The following DYRK1A variants were observed in gnomAD, a reference collection of about 807,000 sequenced individuals.
The protein encoded by DYRK1A is dual specificity tyrosine-phosphorylation-regulated kinase 1A.
A neutral mutation model predicts 79.7 loss-of-function variants in DYRK1A; 9 were observed. The ratio of observed to expected loss-of-function variants is 0.11; its 90% CI spans 0.07 to 0.20. DYRK1A has a LOEUF of 0.20. Among genes scored for constraint, DYRK1A ranks in the 10% least tolerant of loss-of-function variants. The probability of loss-of-function intolerance (pLI) is 1.00; values close to 1 mark genes in which losing one functional copy is unlikely to be tolerated. For missense variants in DYRK1A, 622 were observed against 956.0 expected (o/e 0.65, Z 4.61); for synonymous variants, 349 against 329.7 (o/e 1.06, Z -0.63).
intron 6 of DYRK1A, 24 bp from the exon 7 acceptor site, chr21:37,490,151 A>T: frequency 1.9e-6 from 3 of 1,600,492 alleles, no homozygotes; most frequent in Non-Finnish European, 2.6e-6. Flanking sequence ...ATATAATTTA[A>T]AATGAAACTG....
intron 3 of DYRK1A, among the ~76,000 whole-genome samples, chr21:37,477,302 A>G (rs1300987064): frequency 2.6e-5 from 4 of 152,186 alleles, no homozygotes; most frequent in South Asian, 2.1e-4. Flanking sequence ...GCCAGGGGGA[A>G]TGGCTGTGAC....
chr21:37,500,137 C>T (rs2053397668), intron 9 of DYRK1A, among the ~76,000 whole-genome samples: 1 of 152,134 alleles, frequency 6.6e-6, no homozygotes, highest in Non-Finnish European at 1.5e-5. Flanking sequence ...CTTAATGCTC[C>T]ATGAATGAAG....
At chr21:37,464,802 C>A (rs1053122386) in intron 2 of DYRK1A, among the ~76,000 whole-genome samples, 4 of 152,144 alleles carry the variant, frequency 2.6e-5, no homozygotes, top group Non-Finnish European at 5.9e-5. Flanking sequence ...ATCCCTGTTA[C>A]AGGATGAACT....
At chr21:37,498,023 A>G (rs2053326263) in intron 9 of DYRK1A, among the ~76,000 whole-genome samples, 1 of 152,228 alleles carries the variant, frequency 6.6e-6, no homozygotes, top group Non-Finnish European at 1.5e-5. Context: ...TGGTACACTA[A>G]GAATTTTGAC....
At chr21:37,485,734 T>G (rs1299620616) in intron 5 of DYRK1A, among the ~76,000 whole-genome samples, 1 of 133,692 alleles carries the variant, frequency 7.5e-6, no homozygotes, top group Non-Finnish European at 1.7e-5. Flanking sequence ...TTGTAATGTT[T>G]ATGTAAATCT....
intron 1 of DYRK1A, among the ~76,000 whole-genome samples, chr21:37,388,444 A>G (rs1241386162): frequency 6.6e-6 from 1 of 152,130 alleles, no homozygotes; most frequent in South Asian, 2.1e-4. Context: ...GAAAATTTTA[A>G]TGTGTATCTG....
rs1246307143 is a variant in DYRK1A, at chr21:37,513,008, T to A, written c.*477T>A. 1 of 159,926 alleles carries A rather than the reference T, an allele frequency of 6.3e-6. No homozygotes were observed. Among genetic ancestry groups the A allele is most frequent in the African/African-American group, 2.4e-5 (1 of 41,244 alleles). The allele number at this position is 159,926 out of a possible 1,614,324, so 9.9% of individuals were successfully genotyped here. On this transcript the variant is annotated 3_prime_UTR_variant, in exon 12 of 12. Transcript: ENST00000647188. ...GTTTTGGGTGGGAGGGTGGGAAATTTGGGTTTTTAAGTCCTCTAAACACAC... is the reference window on the plus strand; with the variant it reads ...GTTTTGGGTGGGAGGGTGGGAAATTAGGGTTTTTAAGTCCTCTAAACACAC...
Position 37,505,123 on chromosome 21 carries a change from T to C in DYRK1A, c.1213-160T>C, listed in dbSNP as rs550176320. On this transcript the variant is annotated intron_variant, in intron 9 of 11. Transcript: ENST00000647188. ...ATGTTGAACTGTAACTACCATGCAT[T>C]TGGGATAGTAATGTGTGAAAAGGCA... The C allele has an allele frequency of 9.2e-5, 57 of 619,474 alleles. No homozygotes were observed. In the South Asian group the frequency reaches 1.1e-3, roughly 12 times the overall value. The allele number at this position is 619,474 out of a possible 1,614,324, so 38.4% of individuals were successfully genotyped here.
At chr21:37,500,931 T>C (rs995759171) in intron 9 of DYRK1A, among the ~76,000 whole-genome samples, 1 of 149,494 alleles carries the variant, frequency 6.7e-6, no homozygotes, top group African/African-American at 2.4e-5. Context: ...GTTGATTTCT[T>C]TTTTTTTTCT....
At chr21:37,387,298 T>C (rs192000828) in intron 1 of DYRK1A, among the ~76,000 whole-genome samples, 1 of 152,352 alleles carries the variant, frequency 6.6e-6, no homozygotes, top group East Asian at 1.9e-4. Flanking sequence ...AGTTATATAA[T>C]CTTTTTTGGT....
At chr21:37,392,632 C>T (rs1005527694) in intron 1 of DYRK1A, among the ~76,000 whole-genome samples, 14 of 152,290 alleles carry the variant, frequency 9.2e-5, no homozygotes, top group Admixed American at 7.2e-4. Flanking sequence ...ACCTCTTTTA[C>T]AAGGACATGA....
At chr21:37,381,365 C>T (rs1454280269) in intron 1 of DYRK1A, among the ~76,000 whole-genome samples, 1 of 152,178 alleles carries the variant, frequency 6.6e-6, no homozygotes, top group Non-Finnish European at 1.5e-5. Context: ...AACAAATGCA[C>T]ATGAAATGCC....
At chr21:37,368,108 C>A (rs1261133270) in intron 1 of DYRK1A, 1 of 152,980 alleles carries the variant, frequency 6.5e-6, no homozygotes, top group Non-Finnish European at 1.5e-5. Flanking sequence ...ACGGCGGGGC[C>A]GGGCCGGGCC....
rs554312969 is a variant in DYRK1A at position 37,516,030 on chromosome 21, G to A, written c.*3499G>A. The A allele has an allele frequency of 6.6e-6, 1 of 152,286 alleles. No individual in the cohort carries two copies. Among genetic ancestry groups the A allele is most frequent in the Admixed American group, 6.5e-5 (1 of 15,296 alleles). 9.4% of individuals were successfully genotyped at this position (152,286 alleles called of 1,614,324 possible). Reference sequence around the variant, plus strand: ...ACGAAGACGAGATAGCAGGCACTCAGTTCTAGGCCAGTTTCTCAGTTTCCT... The same window carrying A: ...ACGAAGACGAGATAGCAGGCACTCAATTCTAGGCCAGTTTCTCAGTTTCCT... On this transcript the variant is annotated 3_prime_UTR_variant, in exon 12 of 12. Coordinates refer to ENST00000647188, the MANE Select transcript of DYRK1A (RefSeq NM_001347721.2).
chr21:37,519,611 A>G lies in DYRK1A; in HGVS notation c.*7080A>G, dbSNP rs748343082. On this transcript the variant is annotated 3_prime_UTR_variant, in exon 12 of 12. Coordinates refer to ENST00000647188, the MANE Select transcript of DYRK1A (RefSeq NM_001347721.2). ...TGTTCTCCGTGGAGGGCTAAACAGC[A>G]TTGCTTTCCAGCTGACTTTTATTTT... The G allele has an allele frequency of 2.6e-5, 4 of 152,116 alleles. No homozygotes were observed. The highest frequency in any genetic ancestry group is 5.9e-5 in the Non-Finnish European group (4 of 68,044). 9.4% of individuals were successfully genotyped at this position (152,116 alleles called of 1,614,324 possible).
intron 2 of DYRK1A, among the ~76,000 whole-genome samples, chr21:37,466,210 T>C (rs2052020343): frequency 6.6e-6 from 1 of 152,186 alleles, no homozygotes; most frequent in Non-Finnish European, 1.5e-5. Flanking sequence ...TGCTGGATGG[T>C]CATTTGGATG....
chr21:37,459,894 A>C (rs2051781631), intron 2 of DYRK1A, among the ~76,000 whole-genome samples: 3 of 152,172 alleles, frequency 2.0e-5, no homozygotes, highest in Admixed American at 6.5e-5. Context: ...TGGGCTTGAG[A>C]ATACTTGTAT....
At chr21:37,398,923 T>C (rs1003238105) in intron 1 of DYRK1A, among the ~76,000 whole-genome samples, 3 of 148,356 alleles carry the variant, frequency 2.0e-5, no homozygotes, top group Admixed American at 6.7e-5. Context: ...TTTTTTTTTT[T>C]AAACCGCAGA....
intron 2 of DYRK1A, among the ~76,000 whole-genome samples, chr21:37,424,253 T>C (rs559024460): frequency 2.4e-4 from 37 of 152,302 alleles, no homozygotes; most frequent in African/African-American, 8.7e-4. Flanking sequence ...GACTTTTTTC[T>C]TACTGATTCA....
Sources: allele counts gnomAD v4.1 joint callset (sites outside exome capture counted in the v4.1 genomes callset), GRCh38; gene constraint gnomAD v4.1.1; transcripts MANE v1.5; gene names NCBI Gene and HGNC (gene_info 2026-07-23, HGNC 2026-07-21).